The following HS3ST5 variants were observed in gnomAD, a reference collection of about 807,000 sequenced individuals.
HS3ST5 encodes heparan sulfate-glucosamine 3-sulfotransferase 5.
A neutral mutation model predicts 25.4 loss-of-function variants in HS3ST5; 10 were observed. The ratio of observed to expected loss-of-function variants is 0.39; its 90% CI spans 0.24 to 0.67. The LOEUF (loss-of-function observed/expected upper bound fraction) is 0.67. HS3ST5 is among the 30% of genes least tolerant of loss of function. HS3ST5 has a pLI of 0.44. For missense variants in HS3ST5, 324 were observed against 420.7 expected, an observed-to-expected ratio of 0.77 and a Z score of 2.01; for synonymous variants, 170 against 162.4, an observed-to-expected ratio of 1.05 and a Z score of -0.36.
At chr6:114,092,199 CCTTA>C (rs1401308414) in intron 3 of HS3ST5, among the ~76,000 whole-genome samples, 2 of 152,092 alleles carry the variant, frequency 1.3e-5, no homozygotes, top group Middle Eastern at 3.2e-3. Flanking sequence ...ATGACAGTGC[CCTTA>C]CTTTAGTGAC....
At chr6:114,123,478 C>T (rs1298083774) in intron 3 of HS3ST5, among the ~76,000 whole-genome samples, 39 of 152,118 alleles carry the variant, frequency 2.6e-4, no homozygotes, top group Admixed American at 2.6e-3. Flanking sequence ...TAAAAAGTAT[C>T]AAGAAAATGA....
At chr6:114,111,812 C>G (rs375659908) in intron 3 of HS3ST5, among the ~76,000 whole-genome samples, 3 of 152,090 alleles carry the variant, frequency 2.0e-5, no homozygotes, top group African/African-American at 7.2e-5. Context: ...CTCATAAAAC[C>G]TTGCCATCTC....
At chr6:114,121,928 C>A (rs1049012278) in intron 3 of HS3ST5, among the ~76,000 whole-genome samples, 6 of 152,170 alleles carry the variant, frequency 3.9e-5, no homozygotes, top group African/African-American at 1.4e-4. Context: ...GTTCTGACAG[C>A]GTGTCCTACC....
chr6:114,098,986 G>A (rs1775589520), intron 3 of HS3ST5, among the ~76,000 whole-genome samples: 1 of 152,046 alleles, frequency 6.6e-6, no homozygotes, highest in Non-Finnish European at 1.5e-5. Flanking sequence ...ATGTCCTGTT[G>A]GAGATAATAA....
At position 114,186,723 on chromosome 6, in the gene HS3ST5, C is replaced by T. The variant is rs181891780; in HGVS notation, c.-144-18261G>A. On this transcript the variant is annotated intron_variant, in intron 2 of 4. Coordinates refer to ENST00000312719, the MANE Select transcript of HS3ST5 (RefSeq NM_153612.4). ...TTTTAAATGTAGACAAGACAACCTT[C>T]TATTGGAAAAAGATGCCATCTAGGA... Among the ~76,000 whole-genome samples the T allele has an allele frequency of 3.6e-3, 554 of 152,276 alleles. 7 individuals carry two copies. The highest frequency in any genetic ancestry group is 2.9e-3 in the Non-Finnish European group (199 of 68,002).
At chr6:114,188,528 C>A (rs1453443428) in intron 2 of HS3ST5, among the ~76,000 whole-genome samples, 1 of 152,142 alleles carries the variant, frequency 6.6e-6, no homozygotes. Context: ...AAAACAGGAG[C>A]TCCCTGTCTC....
At chr6:114,285,988 C>T (rs7746002) in intron 1 of HS3ST5, among the ~76,000 whole-genome samples, 2 of 151,372 alleles carry the variant, frequency 1.3e-5, no homozygotes, top group Admixed American at 6.6e-5. Context: ...TAAAAAAAAT[C>T]GAAATATACA....
intron 1 of HS3ST5, among the ~76,000 whole-genome samples, chr6:114,323,492 G>A (rs569493646): frequency 6.6e-6 from 1 of 152,070 alleles, no homozygotes; most frequent in African/African-American, 2.4e-5. Context: ...ATGAAATTTT[G>A]GCAGGAATCA....
intron 1 of HS3ST5, among the ~76,000 whole-genome samples, chr6:114,270,492 A>T (rs931014905): frequency 9.9e-5 from 15 of 152,204 alleles, no homozygotes; most frequent in Non-Finnish European, 2.9e-5. Flanking sequence ...TAGTCATCTG[A>T]CATGATCCTA....
At chr6:114,317,116 C>A (rs1775775488) in intron 1 of HS3ST5, among the ~76,000 whole-genome samples, 1 of 152,162 alleles carries the variant, frequency 6.6e-6, no homozygotes, top group Non-Finnish European at 1.5e-5. Flanking sequence ...AAACTTTGTG[C>A]AAGTAATTTA....
rs1302269940 is a variant in HS3ST5 at position 114,342,985 on chromosome 6, C to G, written c.-1129G>C. 1.3e-5 allele frequency: 2 copies of G among 152,530 alleles called. No homozygotes were observed. Among genetic ancestry groups the G allele is most frequent in the Middle Eastern group, 3.1e-3 (1 of 318 alleles). The allele number at this position is 152,530 out of a possible 1,614,324, so 9.4% of individuals were successfully genotyped here. A position where few individuals can be genotyped will look rare whatever the true frequency, so the allele number is the denominator to read the frequency against. ...TCTCTTCCCCTCCATCACTTGGGCGCGCAGGAGGGACCGGGTCCCTGGCGA... is the reference window on the plus strand; with the variant it reads ...TCTCTTCCCCTCCATCACTTGGGCGGGCAGGAGGGACCGGGTCCCTGGCGA... On this transcript the variant is annotated 5_prime_UTR_variant, in exon 1 of 5. Coordinates refer to ENST00000312719, the MANE Select transcript of HS3ST5 (RefSeq NM_153612.4).
intron 1 of HS3ST5, among the ~76,000 whole-genome samples, chr6:114,303,880 G>A (rs537094560): frequency 4.6e-5 from 7 of 152,178 alleles, no homozygotes; most frequent in Non-Finnish European, 8.8e-5. Context: ...AAGCCTTCAG[G>A]AAGACAAAGA....
At chr6:114,209,563 T>G (rs1016483571) in intron 2 of HS3ST5, among the ~76,000 whole-genome samples, 2 of 152,190 alleles carry the variant, frequency 1.3e-5, no homozygotes, top group African/African-American at 4.8e-5. Flanking sequence ...AAATTCTGGA[T>G]GCTTATTTTA....
At chr6:114,271,983 T>G (rs1773655528) in intron 1 of HS3ST5, among the ~76,000 whole-genome samples, 1 of 152,152 alleles carries the variant, frequency 6.6e-6, no homozygotes, top group Non-Finnish European at 1.5e-5. Context: ...AATGACAGTG[T>G]TGGATGGATA....
chr6:114,136,766 A>G (rs1446229334), intron 3 of HS3ST5, among the ~76,000 whole-genome samples: 1 of 152,176 alleles, frequency 6.6e-6, no homozygotes, highest in Non-Finnish European at 1.5e-5. Flanking sequence ...CTGTTGTGGA[A>G]TATTCATTCA....
intron 3 of HS3ST5, among the ~76,000 whole-genome samples, chr6:114,117,470 G>A (rs761592430): frequency 2.2e-4 from 33 of 152,070 alleles, no homozygotes; most frequent in Non-Finnish European, 2.9e-4. Context: ...GTAAATTAGG[G>A]TAATACCCAG....
intron 1 of HS3ST5, among the ~76,000 whole-genome samples, chr6:114,336,898 A>G (rs1367293018): frequency 6.6e-6 from 1 of 152,206 alleles, no homozygotes; most frequent in Non-Finnish European, 1.5e-5. Context: ...AAATAGTAAG[A>G]TTGTTAATAT....
chr6:114,097,903 G>A (rs1775525743), intron 3 of HS3ST5, among the ~76,000 whole-genome samples: 1 of 151,910 alleles, frequency 6.6e-6, no homozygotes. Flanking sequence ...TTTGTGGGCT[G>A]GCAAATAATT....
At chr6:114,154,126 G>T (rs917526660) in intron 3 of HS3ST5, among the ~76,000 whole-genome samples, 21 of 152,180 alleles carry the variant, frequency 1.4e-4, no homozygotes, top group African/African-American at 3.6e-4. Flanking sequence ...TAACGAAGGA[G>T]AGGTAAGAAG....
Sources: gnomAD v4.1 joint callset for allele counts (sites outside exome capture counted in the v4.1 genomes callset) on GRCh38, gnomAD v4.1.1 for gene constraint, MANE v1.5 for transcripts, NCBI Gene and HGNC (gene_info 2026-07-23, HGNC 2026-07-21) for gene names.